The following CSDE1 variants were observed in gnomAD, a reference collection of about 807,000 sequenced individuals.
CSDE1 encodes cold shock domain-containing protein E1.
A neutral mutation model predicts 89.3 loss-of-function variants in CSDE1; 17 were observed. That is an observed-to-expected ratio of 0.19 (90% confidence interval 0.13 to 0.29). The LOEUF is 0.29. Among genes scored for constraint, CSDE1 ranks in the 10% least tolerant of loss-of-function variants. The probability of loss-of-function intolerance (pLI) is 1.00; values close to 1 mark genes in which losing one functional copy is unlikely to be tolerated. For synonymous variants in CSDE1, 322 were observed against 332.8 expected (o/e 0.97, Z 0.35); for missense variants, 672 against 984.2 (o/e 0.68, Z 4.24).
rs145440875 is a variant in CSDE1, at chr1:114,736,778, A to G, written c.480T>C (p.Phe160=). 469 of 1,612,042 alleles carry G rather than the reference A, an allele frequency of 2.9e-4. No individual in the cohort carries two copies. The African/African-American group carries it at 5.5e-3, about 19-fold the overall frequency. The change falls in exon 6 of 20, where the codon TTT becomes TTC. Residue 160 remains phenylalanine, a synonymous_variant. Transcript: ENST00000358528. ...CTTACTGTTTATTGTTATCAATTAC[A>G]AAGTTTATTTTATCTCCAGTTTCCA... The part of the protein sequence containing the change: ...VQLETGDKIN[F]VIDNNKHTGA...
At chr1:114,729,260 G>A (rs1233203753) in intron 12 of CSDE1, among the ~76,000 whole-genome samples, 4 of 151,764 alleles carry the variant, frequency 2.6e-5, no homozygotes, top group Admixed American at 6.6e-5. Flanking sequence ...TACTATGCCC[G>A]GCTAATTTTT....
chr1:114,730,774 C>T, intron 10 of CSDE1, 126 bp from the exon 11 acceptor site: 2 of 1,112,402 alleles, frequency 1.8e-6, no homozygotes, highest in Non-Finnish European at 2.6e-6. Flanking sequence ...ACTGTATCCA[C>T]ATTTGAACTG....
Position 114,734,021 on chromosome 1 carries a change from C to T in CSDE1, c.679G>A (p.Asp227Asn), listed in dbSNP as rs1447409786. The T allele has an allele frequency of 4.3e-6, 7 of 1,613,260 alleles. No individual in the cohort carries two copies. The highest frequency in any genetic ancestry group is 1.3e-5 in the African/African-American group (1 of 75,014). ...TCCTTGATTGTGAATTCCACATCAT[C>T]GCCAGGCTGTAAGGTTTCTAAGTCA... is the stretch of plus-strand genomic sequence containing the variant. ...KGDLETLQPGDDVEFTIKDRN... is the reference protein window; with the variant it reads ...KGDLETLQPGNDVEFTIKDRN... The change falls in exon 8 of 20, where the codon GAT becomes AAT. Residue 227 changes from aspartate (D) to asparagine (N), a missense_variant. This residue lies in a region of CSDE1 where 169 missense variants were observed against 262.9 expected (regional missense o/e 0.64). Coordinates refer to ENST00000358528, the MANE Select transcript of CSDE1 (RefSeq NM_001007553.3).
In CSDE1 at chr1:114,726,405, C is replaced by CTCATTAACACCATATCACTTCCACACCAA; in HGVS notation, c.1465-48_1465-20dup. The CTCATTAACACCATATCACTTCCACACCAA allele has an allele frequency of 6.3e-7, 1 of 1,595,132 alleles. No individual in the cohort carries two copies. The highest frequency in any genetic ancestry group is 8.5e-7 in the Non-Finnish European group (1 of 1,170,196). The stretch of plus-strand genomic sequence containing the variant: ...ATTCAACCTGTGAAAATTAAGGATG[C>CTCATTAACACCATATCACTTCCACACCAA]TCATTAACACCATATCACTTCCACA... On this transcript the variant is annotated intron_variant, in intron 13 of 19. Transcript: ENST00000358528.
chr1:114,737,517 G>A lies in CSDE1; in HGVS notation c.356C>T (p.Ala119Val). The change falls in exon 5 of 20, where the codon GCC becomes GTC. Residue 119 changes from alanine (A) to valine (V), a missense_variant. This residue lies in a region of CSDE1 where 124 missense variants were observed against 138.7 expected (regional missense o/e 0.89). Transcript: ENST00000358528. ...ACTCCCTGTTGGACTCTGACCCGGG[G>A]CAGCTGGAGATTTACTCTCTAAGTT... ...PHNLESKSPAAPGQSPTGSVC... is the reference protein window; with the variant it reads ...PHNLESKSPAVPGQSPTGSVC... The A allele has an allele frequency of 2.5e-6, 4 of 1,613,890 alleles. No homozygotes were observed. The South Asian group carries it at 3.3e-5, about 13-fold the overall frequency.
chr1:114,734,393 C>T, intron 7 of CSDE1, 49 bp downstream of exon 7: 2 of 1,495,680 alleles, frequency 1.3e-6, no homozygotes, highest in Non-Finnish European at 9.2e-7. Context: ...TGAAGTACAA[C>T]ATTTCAAGTG....
intron 2 of CSDE1, 101 bp from the exon 3 acceptor site, chr1:114,739,991 A>C: frequency 1.1e-6 from 1 of 907,730 alleles, no homozygotes. Context: ...TAAAAACGCA[A>C]AAAAAAGTAA....
chr1:114,718,987 C>A, intron 18 of CSDE1: 1 of 473,454 alleles, frequency 2.1e-6, no homozygotes, highest in East Asian at 3.7e-5. Flanking sequence ...GACTTGAATG[C>A]AATCAAGAGT....
At chr1:114,739,915 A>G in intron 2 of CSDE1, 25 bp from the exon 3 acceptor site, 1 of 1,564,396 alleles carries the variant, frequency 6.4e-7, no homozygotes, top group Non-Finnish European at 8.8e-7. Flanking sequence ...AAAAGAATAT[A>G]TACATATCTG....
intron 6 of CSDE1, 69 bp from the exon 7 acceptor site, chr1:114,734,592 A>G: frequency 8.1e-7 from 1 of 1,240,294 alleles, no homozygotes; most frequent in Admixed American, 2.1e-5. Context: ...CTGCTTAGAT[A>G]TGAGTCTAAA....
chr1:114,733,714 C>T lies in CSDE1; in HGVS notation c.837+18G>A, dbSNP rs1320095437. The T allele has an allele frequency of 1.9e-6, 3 of 1,610,078 alleles. No individual in the cohort carries two copies. The highest frequency in any genetic ancestry group is 2.2e-5 in the South Asian group (2 of 90,592). ...ACTACTGAGGCGAAATAGGACTCTCCTGAAAAAGATTATTTACCTGGTTTT... is the reference window on the plus strand; with the variant it reads ...ACTACTGAGGCGAAATAGGACTCTCTTGAAAAAGATTATTTACCTGGTTTT... On this transcript the variant is annotated intron_variant, in intron 9 of 19. Coordinates refer to ENST00000358528, the MANE Select transcript of CSDE1 (RefSeq NM_001007553.3).
At chr1:114,730,175 T>C in intron 12 of CSDE1, 83 bp downstream of exon 12, 2 of 1,438,594 alleles carry the variant, frequency 1.4e-6, no homozygotes, top group Non-Finnish European at 1.9e-6. Context: ...TTCCGCTGAT[T>C]ATATGTACTC....
intron 6 of CSDE1, among the ~76,000 whole-genome samples, 186 bp from the exon 7 acceptor site, chr1:114,734,709 C>T (rs956578198): frequency 2.0e-5 from 3 of 152,202 alleles, no homozygotes; most frequent in African/African-American, 7.2e-5. Flanking sequence ...AGGACTTTAA[C>T]TCCTTAGCCT....
At chr1:114,757,735 T>C (rs1422433772) in intron 1 of CSDE1, among the ~76,000 whole-genome samples, 190 bp downstream of exon 1, 3 of 151,984 alleles carry the variant, frequency 2.0e-5, no homozygotes, top group Non-Finnish European at 2.9e-5. Context: ...CGACCTGACA[T>C]GAGGCCCAGG....
rs1158368681 is a variant in CSDE1 at position 114,730,275 on chromosome 1, T to G, written c.1339A>C (p.Asn447His). 6.2e-7 allele frequency: 1 copy of G among 1,612,718 alleles called. No individual in the cohort carries two copies. The highest frequency in any genetic ancestry group is 1.7e-5 in the Admixed American group (1 of 59,640). ...TFSNPKTTSPNKGKEKEAEDG... is the reference protein window; with the variant it reads ...TFSNPKTTSPHKGKEKEAEDG... Reference sequence around the variant, plus strand: ...AAACCTACCTTCTCTTTGCCTTTATTTGGGCTAGTGGTTTTAGGATTGGAA... The same window carrying G: ...AAACCTACCTTCTCTTTGCCTTTATGTGGGCTAGTGGTTTTAGGATTGGAA... The change falls in exon 12 of 20, where the codon AAT becomes CAT. Residue 447 changes from asparagine (N) to histidine (H), a missense_variant. Coordinates refer to ENST00000358528, the MANE Select transcript of CSDE1 (RefSeq NM_001007553.3).
chr1:114,743,449 C>T (rs568785423), intron 2 of CSDE1, among the ~76,000 whole-genome samples: 3 of 152,308 alleles, frequency 2.0e-5, no homozygotes, highest in South Asian at 2.1e-4. Flanking sequence ...CCCTGCACTG[C>T]GCCCTGGCCT....
At chr1:114,742,425 T>C (rs949753274) in intron 2 of CSDE1, among the ~76,000 whole-genome samples, 3 of 151,970 alleles carry the variant, frequency 2.0e-5, no homozygotes, top group Non-Finnish European at 2.9e-5. Context: ...CTACCAAAAA[T>C]ACAAAATTTA....
At position 114,717,745 on chromosome 1, in the gene CSDE1, G is replaced by A. The variant is rs942427762; in HGVS notation, c.*424C>T. The A allele has an allele frequency of 6.1e-6, 1 of 162,890 alleles. No homozygotes were observed. Among genetic ancestry groups the A allele is most frequent in the Non-Finnish European group, 1.3e-5 (1 of 75,264 alleles). The allele number at this position is 162,890 out of a possible 1,614,324, so 10.1% of individuals were successfully genotyped here. A position where few individuals can be genotyped will look rare whatever the true frequency, so the allele number is the denominator to read the frequency against. ...GAACAGGAAGAAAAAGGAAAAGAATGCAACTGAGTGCTAAGGCAGAACATC... is the reference window on the plus strand; with the variant it reads ...GAACAGGAAGAAAAAGGAAAAGAATACAACTGAGTGCTAAGGCAGAACATC... On this transcript the variant is annotated 3_prime_UTR_variant, in exon 20 of 20. Transcript: ENST00000358528.
rs1279400620 is a variant in CSDE1, at chr1:114,718,665, C to T, written c.2297G>A (p.Ser766Asn). The change falls in exon 19 of 20, where the codon AGT becomes AAT. Residue 766 changes from serine to asparagine, a missense_variant. Physicochemically the swap from Ser to Asn is conservative, Grantham distance 46 (BLOSUM62 1). Coordinates refer to ENST00000358528, the MANE Select transcript of CSDE1 (RefSeq NM_001007553.3). ...RLKNITLDDA[S>N]APRLMVLRQP... ...ACGAAGAACCATTAGGCGAGGAGCA[C>T]TGGCATCATCCAGAGTGATATTCTT... is the stretch of plus-strand genomic sequence containing the variant. The T allele has an allele frequency of 1.2e-6, 2 of 1,614,092 alleles. No homozygotes were observed. Among genetic ancestry groups the T allele is most frequent in the South Asian group, 2.2e-5 (2 of 91,092 alleles).
Sources: gnomAD v4.1 joint callset for allele counts (sites outside exome capture counted in the v4.1 genomes callset) on GRCh38, gnomAD v4.1.1 for gene constraint, gnomAD v4.1.1 regional missense constraint, MANE v1.5 for transcripts, NCBI Gene and HGNC (gene_info 2026-07-23, HGNC 2026-07-21) for gene names.